The following ATG5 variants were observed in gnomAD, a reference collection of about 807,000 sequenced individuals.
The protein encoded by ATG5 is autophagy protein 5.
A neutral mutation model predicts 36.5 loss-of-function variants in ATG5; 14 were observed. That is an observed-to-expected ratio of 0.38 (90% CI 0.25 to 0.60). ATG5 has a LOEUF of 0.60. ATG5 is among the 20% of genes least tolerant of loss of function. The pLI is 0.60. For synonymous variants in ATG5, 95 were observed against 101.5 expected, an observed-to-expected ratio of 0.94 and a Z score of 0.38; for missense variants, 195 against 326.7, an observed-to-expected ratio of 0.60 and a Z score of 3.11.
chr6:106,301,200 T>A (rs572031987), intron 3 of ATG5, among the ~76,000 whole-genome samples: 1 of 152,178 alleles, frequency 6.6e-6, no homozygotes, highest in East Asian at 1.9e-4. Context: ...AGGCCAGCAC[T>A]TTCCATTTCC....
chr6:106,186,743 CT>C, intron 7 of ATG5, 67 bp from the exon 8 acceptor site: 1 of 1,553,166 alleles, frequency 6.4e-7, no homozygotes, highest in Non-Finnish European at 8.8e-7. Flanking sequence ...AATCTGGTGC[CT>C]TTTGAGAATC....
intron 6 of ATG5, among the ~76,000 whole-genome samples, chr6:106,219,867 C>T (rs1223749388): frequency 6.6e-6 from 1 of 152,134 alleles, no homozygotes; most frequent in Non-Finnish European, 1.5e-5. Flanking sequence ...ATATGGTCTA[C>T]TCAAATACGG....
intron 7 of ATG5, among the ~76,000 whole-genome samples, chr6:106,196,239 A>G (rs1294989405): frequency 1.3e-5 from 2 of 152,244 alleles, no homozygotes; most frequent in Non-Finnish European, 2.9e-5. Context: ...CTAAACACAA[A>G]TTGAAGACTA....
chr6:106,251,744 A>T (rs1230958043), intron 5 of ATG5, among the ~76,000 whole-genome samples: 3 of 149,692 alleles, frequency 2.0e-5, no homozygotes, highest in Non-Finnish European at 4.4e-5. Context: ...AGAAAGAAAG[A>T]AAAGAAAGAA....
intron 6 of ATG5, among the ~76,000 whole-genome samples, chr6:106,206,239 C>T (rs948776028): frequency 4.0e-5 from 6 of 149,976 alleles, no homozygotes; most frequent in Non-Finnish European, 7.4e-5. Flanking sequence ...AAGGCTTTTG[C>T]CCCTTCTGCC....
At chr6:106,202,138 G>A in intron 6 of ATG5, 49 bp from the exon 7 acceptor site, 1 of 1,424,508 alleles carries the variant, frequency 7.0e-7, no homozygotes, top group Admixed American at 1.7e-5. Context: ...CTTTGTTGCT[G>A]CCAATTACAA....
chr6:106,227,690 C>T (rs1239173821), intron 6 of ATG5, among the ~76,000 whole-genome samples: 5 of 152,142 alleles, frequency 3.3e-5, no homozygotes, highest in Non-Finnish European at 7.3e-5. Flanking sequence ...TAGATCAATA[C>T]CATAGAAAAT....
At chr6:106,308,527 T>C in intron 2 of ATG5, 36 bp from the exon 3 acceptor site, 1 of 1,426,014 alleles carries the variant, frequency 7.0e-7, no homozygotes, top group South Asian at 1.4e-5. Context: ...ATTTATTTAC[T>C]AGTTATTATT....
At chr6:106,236,316 G>A (rs892531672) in intron 6 of ATG5, among the ~76,000 whole-genome samples, 5 of 151,986 alleles carry the variant, frequency 3.3e-5, no homozygotes, top group South Asian at 2.1e-4. Context: ...ATGTTTTCTC[G>A]GACATATATT....
intron 2 of ATG5, among the ~76,000 whole-genome samples, chr6:106,315,144 G>A (rs1451226521): frequency 6.6e-6 from 1 of 152,188 alleles, no homozygotes; most frequent in Non-Finnish European, 1.5e-5. Flanking sequence ...GCTTCCTCCA[G>A]TAATCTGACT....
chr6:106,307,671 G>C (rs1016064461), intron 3 of ATG5, among the ~76,000 whole-genome samples: 9 of 150,974 alleles, frequency 6.0e-5, no homozygotes, highest in Admixed American at 1.3e-4. Context: ...CAAATAGCCC[G>C]GATTACAGGC....
chr6:106,308,074 G>T (rs1460359909), intron 3 of ATG5, among the ~76,000 whole-genome samples: 2 of 152,014 alleles, frequency 1.3e-5, no homozygotes, highest in East Asian at 3.9e-4. Context: ...TTTCATAAGG[G>T]AGTTTTAAAT....
rs568429766 is a variant in ATG5 at position 106,220,616 on chromosome 6, A to C, written c.574-18527T>G. ...AAAATTATTAGCAAATAGTTATTTTAAAAGTATGAGTAATTAGACCAAAAG... is the reference window on the plus strand; with the variant it reads ...AAAATTATTAGCAAATAGTTATTTTCAAAGTATGAGTAATTAGACCAAAAG... On this transcript the variant is annotated intron_variant, in intron 6 of 7. Coordinates refer to ENST00000369076, the MANE Select transcript of ATG5 (RefSeq NM_004849.4). Among the ~76,000 whole-genome samples, 30 of 152,318 alleles carry C rather than the reference A, an allele frequency of 2.0e-4. No homozygotes were observed. In the South Asian group the frequency reaches 4.8e-3, roughly 24 times the overall value.
At chr6:106,313,764 A>G (rs1770741195) in intron 2 of ATG5, among the ~76,000 whole-genome samples, 3 of 152,112 alleles carry the variant, frequency 2.0e-5, no homozygotes, top group African/African-American at 7.2e-5. Context: ...AGCAAGGGAC[A>G]TATTATCTGA....
At chr6:106,269,147 C>T (rs904776545) in intron 5 of ATG5, among the ~76,000 whole-genome samples, 31 of 152,030 alleles carry the variant, frequency 2.0e-4, no homozygotes, top group Admixed American at 1.8e-3. Flanking sequence ...TACAAAGTGT[C>T]GACACAAAGG....
chr6:106,319,820 A>G lies in ATG5; in HGVS notation c.-58-3554T>C, dbSNP rs544094024. ...ATACTTGGAATGGTATCTGGAATTCAGTAGGTGCTCAAAAAATGCTTACTG... is the reference window on the plus strand; with the variant it reads ...ATACTTGGAATGGTATCTGGAATTCGGTAGGTGCTCAAAAAATGCTTACTG... On this transcript the variant is annotated intron_variant, in intron 1 of 7. Coordinates refer to ENST00000369076, the MANE Select transcript of ATG5 (RefSeq NM_004849.4). Among the ~76,000 whole-genome samples the G allele has an allele frequency of 2.6e-5, 4 of 152,354 alleles. 1 individual carries two copies. Among genetic ancestry groups the G allele is most frequent in the African/African-American group, 9.6e-5 (4 of 41,588 alleles).
intron 6 of ATG5, among the ~76,000 whole-genome samples, chr6:106,215,904 T>C (rs936406482): frequency 2.6e-5 from 4 of 152,156 alleles, no homozygotes; most frequent in Non-Finnish European, 5.9e-5. Context: ...GTAAAACTTA[T>C]AAATAAAAAG....
At chr6:106,289,612 A>G (rs1780222233) in intron 4 of ATG5, among the ~76,000 whole-genome samples, 1 of 152,204 alleles carries the variant, frequency 6.6e-6, no homozygotes, top group African/African-American at 2.4e-5. Flanking sequence ...CAAAGAGTTT[A>G]TATTTATGTG....
intron 3 of ATG5, among the ~76,000 whole-genome samples, chr6:106,305,581 C>A (rs755449450): frequency 6.6e-6 from 1 of 152,114 alleles, no homozygotes; most frequent in African/African-American, 2.4e-5. Flanking sequence ...TCTCAACTGG[C>A]GACTAATTTC....
Sources: allele counts gnomAD v4.1 joint callset (sites outside exome capture counted in the v4.1 genomes callset), GRCh38; gene constraint gnomAD v4.1.1; transcripts MANE v1.5; gene names NCBI Gene and HGNC (gene_info 2026-07-23, HGNC 2026-07-21).